The following CDH13 variants were observed in gnomAD, a reference collection of about 807,000 sequenced individuals.
CDH13 encodes the protein cadherin 13.
In CDH13, 24 loss-of-function variants were observed where a neutral mutation model predicts 63.8. The observed-to-expected ratio is 0.38, with a 90% CI of 0.27 to 0.53. The LOEUF (loss-of-function observed/expected upper bound fraction) is 0.53, where lower values mean the gene tolerates loss of function less well. CDH13 is among the 20% of genes least tolerant of loss of function. The probability of loss-of-function intolerance (pLI) is 0.85; values close to 1 mark genes in which losing one functional copy is unlikely to be tolerated. For synonymous variants in CDH13, 503 were observed against 355.3 expected (o/e 1.42, Z -4.67); for missense variants, 1,049 against 903.1 (o/e 1.16, Z -2.07).
intron 7 of CDH13, among the ~76,000 whole-genome samples, chr16:83,501,899 C>T (rs1048684204): frequency 5.3e-5 from 8 of 152,164 alleles, no homozygotes; most frequent in African/African-American, 1.9e-4. Context: ...GATTGAGTTT[C>T]CCTCAGCTCT....
intron 2 of CDH13, among the ~76,000 whole-genome samples, chr16:82,889,990 G>A (rs1345666784): frequency 1.3e-5 from 2 of 152,188 alleles, no homozygotes; most frequent in Non-Finnish European, 1.5e-5. Flanking sequence ...CTGTCTCCCA[G>A]TACTTTGTTT....
At chr16:83,094,114 C>G (rs1356441922) in intron 3 of CDH13, among the ~76,000 whole-genome samples, 1 of 152,144 alleles carries the variant, frequency 6.6e-6, no homozygotes, top group East Asian at 1.9e-4. Flanking sequence ...ATTGTTGTAA[C>G]AAATAGTTAC....
At chr16:83,726,584 C>G (rs1174396525) in intron 10 of CDH13, among the ~76,000 whole-genome samples, 2 of 152,142 alleles carry the variant, frequency 1.3e-5, no homozygotes, top group Non-Finnish European at 2.9e-5. Flanking sequence ...GCCTGTAATC[C>G]CGGCCCTTTG....
intron 8 of CDH13, among the ~76,000 whole-genome samples, chr16:83,648,027 G>A (rs1911999691): frequency 6.6e-6 from 1 of 152,144 alleles, no homozygotes; most frequent in Non-Finnish European, 1.5e-5. Flanking sequence ...GGAGTCTAGT[G>A]ACCACACCTT....
At chr16:83,426,646 T>A (rs2151477709) in intron 6 of CDH13, among the ~76,000 whole-genome samples, 1 of 152,214 alleles carries the variant, frequency 6.6e-6, no homozygotes, top group South Asian at 2.1e-4. Context: ...CATGGACTGC[T>A]GTGCACCAGC....
chr16:83,211,405 A>C (rs543482225), intron 4 of CDH13, among the ~76,000 whole-genome samples: 2 of 152,192 alleles, frequency 1.3e-5, no homozygotes, highest in Admixed American at 1.3e-4. Context: ...ACAAACCTCA[A>C]CCTCAACCAC....
At chr16:83,772,405 A>G (rs757449469) in intron 11 of CDH13, among the ~76,000 whole-genome samples, 23 of 152,224 alleles carry the variant, frequency 1.5e-4, no homozygotes, top group Non-Finnish European at 2.4e-4. Context: ...GAATTCTTAG[A>G]ACACTGGACA....
chr16:83,510,809 T>C (rs141538643), intron 7 of CDH13, among the ~76,000 whole-genome samples: 167 of 152,288 alleles, frequency 1.1e-3, no homozygotes, highest in African/African-American at 3.8e-3. Flanking sequence ...TAAAGAAAAA[T>C]AAATGCAGAC....
chr16:83,616,943 C>A lies in CDH13; in HGVS notation c.1101+14349C>A, dbSNP rs117789629. On this transcript the variant is annotated intron_variant, in intron 8 of 13. Transcript: ENST00000567109. ...ACTACACACTCTGTTCCCTTCTTCC[C>A]GGAATGCCTTTTCCTTCCTTTGTGC... is the stretch of plus-strand genomic sequence containing the variant. Among the ~76,000 whole-genome samples the A allele has an allele frequency of 4.3e-4, 66 of 152,302 alleles. No individual in the cohort carries two copies. The East Asian group carries it at 6.6e-3, about 15-fold the overall frequency.
At chr16:83,087,448 T>A (rs1456177093) in intron 3 of CDH13, among the ~76,000 whole-genome samples, 1 of 151,980 alleles carries the variant, frequency 6.6e-6, no homozygotes, top group Non-Finnish European at 1.5e-5. Context: ...GGCGGGCAGA[T>A]CACGAGGTCA....
At chr16:83,777,680 T>C (rs889446674) in intron 11 of CDH13, among the ~76,000 whole-genome samples, 1 of 152,236 alleles carries the variant, frequency 6.6e-6, no homozygotes, top group African/African-American at 2.4e-5. Flanking sequence ...GCTGTCTGCA[T>C]CTAAAGAGGT....
At chr16:83,263,872 G>C (rs1214798466) in intron 5 of CDH13, among the ~76,000 whole-genome samples, 1 of 151,990 alleles carries the variant, frequency 6.6e-6, no homozygotes, top group Non-Finnish European at 1.5e-5. Context: ...ACTTGCCACT[G>C]AGGCTGAATT....
At chr16:83,127,932 A>G (rs2035883046) in intron 4 of CDH13, among the ~76,000 whole-genome samples, 1 of 152,220 alleles carries the variant, frequency 6.6e-6, no homozygotes, top group Admixed American at 6.5e-5. Flanking sequence ...CCCCTTGGGC[A>G]GCCCTAGCCA....
At chr16:83,339,787 G>A (rs1464929443) in intron 5 of CDH13, among the ~76,000 whole-genome samples, 6 of 152,122 alleles carry the variant, frequency 3.9e-5, no homozygotes, top group Non-Finnish European at 8.8e-5. Flanking sequence ...GATCAGCCAA[G>A]CTTTCCACCG....
At chr16:82,886,613 A>C (rs960113878) in intron 2 of CDH13, among the ~76,000 whole-genome samples, 9 of 150,886 alleles carry the variant, frequency 6.0e-5, no homozygotes, top group African/African-American at 2.2e-4. Context: ...CCAGGGCTTA[A>C]AATTTTTACT....
chr16:83,201,733 TAAAAAAAAATTAA>T (rs1275221067), intron 4 of CDH13, among the ~76,000 whole-genome samples: 1 of 138,872 alleles, frequency 7.2e-6, no homozygotes, highest in African/African-American at 2.8e-5. Context: ...CCGTCTCTAA[TAAAAAAAAATTAA>T]AAAAAAAAAA....
chr16:83,395,811 A>T (rs1057116801), intron 6 of CDH13, among the ~76,000 whole-genome samples: 38 of 152,122 alleles, frequency 2.5e-4, no homozygotes, highest in African/African-American at 8.2e-4. Flanking sequence ...TTAACTTTTA[A>T]GTTGAGGAGT....
intron 6 of CDH13, among the ~76,000 whole-genome samples, chr16:83,362,900 G>A (rs917467241): frequency 3.9e-5 from 6 of 152,226 alleles, no homozygotes; most frequent in African/African-American, 1.4e-4. Flanking sequence ...ATCAAAAACT[G>A]TGGTGGGGTT....
chr16:82,647,893 T>C (rs917720188), intron 1 of CDH13, among the ~76,000 whole-genome samples: 3 of 152,130 alleles, frequency 2.0e-5, no homozygotes, highest in Non-Finnish European at 4.4e-5. Context: ...ATAGTCCCCA[T>C]GTGTCATGGG....
Sources: allele counts gnomAD v4.1 joint callset (sites outside exome capture counted in the v4.1 genomes callset), GRCh38; gene constraint gnomAD v4.1.1; transcripts MANE v1.5; gene names NCBI Gene and HGNC (gene_info 2026-07-23, HGNC 2026-07-21).